The following MRTFA variants were observed in gnomAD, a reference collection of about 807,000 sequenced individuals.
MRTFA encodes the protein myocardin-related transcription factor A.
Under a neutral mutation model 83.5 loss-of-function variants are expected in MRTFA, and 20 were observed. The observed-to-expected ratio is 0.24, with a 90% CI of 0.17 to 0.35. The LOEUF is 0.35. Among genes scored for constraint, MRTFA ranks in the 10% least tolerant of loss-of-function variants. The pLI is 1.00. For missense variants in MRTFA, 1,200 were observed against 1,224.7 expected (o/e 0.98, Z 0.30); for synonymous variants, 659 against 541.2 (o/e 1.22, Z -3.02).
At chr22:40,608,671 T>C (rs552436373) in intron 1 of MRTFA, among the ~76,000 whole-genome samples, 17 of 152,330 alleles carry the variant, frequency 1.1e-4, no homozygotes, top group African/African-American at 3.4e-4. Context: ...TTTCCATTCA[T>C]TCATTCATTC....
rs113274756 is a variant in MRTFA, at chr22:40,411,344, T to A, written c.*46A>T. On this transcript the variant is annotated 3_prime_UTR_variant, in exon 15 of 15. Coordinates refer to ENST00000355630, the MANE Select transcript of MRTFA (RefSeq NM_020831.6). Reference sequence around the variant, plus strand: ...CACGCAGGAGAGCCACGCATTGGAGTACCCTGGCTCCCAGCCCCTTCCCCA... The same window carrying A: ...CACGCAGGAGAGCCACGCATTGGAGAACCCTGGCTCCCAGCCCCTTCCCCA... 3 of 1,512,590 alleles carry A rather than the reference T, an allele frequency of 2.0e-6. No homozygotes were observed. The South Asian group carries it at 3.8e-5, about 19-fold the overall frequency. 93.7% of individuals were successfully genotyped at this position (1,512,590 alleles called of 1,614,324 possible).
At chr22:40,530,587 G>A (rs932863798) in intron 3 of MRTFA, among the ~76,000 whole-genome samples, 4 of 152,212 alleles carry the variant, frequency 2.6e-5, no homozygotes, top group South Asian at 2.1e-4. Flanking sequence ...GTGCGCCACC[G>A]CGCCCGGCCC....
intron 2 of MRTFA, among the ~76,000 whole-genome samples, chr22:40,578,696 C>T (rs946576803): frequency 4.6e-5 from 7 of 152,002 alleles, no homozygotes; most frequent in African/African-American, 1.7e-4. Context: ...CTGAGGCAAA[C>T]GGATTGCTTG....
intron 2 of MRTFA, among the ~76,000 whole-genome samples, chr22:40,592,122 A>G (rs896792928): frequency 5.9e-5 from 9 of 152,152 alleles, no homozygotes; most frequent in African/African-American, 1.2e-4. Flanking sequence ...AATCAAATTT[A>G]TAATTGTTTT....
In MRTFA at chr22:40,411,309, G is replaced by A. The variant is rs899571527; in HGVS notation, c.*81C>T. Reference sequence around the variant, plus strand: ...TTGTCAAGACTCACAACCATGTGGAGAGGCCGAATCACGCAGGAGAGCCAC... The same window carrying A: ...TTGTCAAGACTCACAACCATGTGGAAAGGCCGAATCACGCAGGAGAGCCAC... On this transcript the variant is annotated 3_prime_UTR_variant, in exon 15 of 15. Coordinates refer to ENST00000355630, the MANE Select transcript of MRTFA (RefSeq NM_020831.6). 4 of 1,417,514 alleles carry A rather than the reference G, an allele frequency of 2.8e-6. No individual in the cohort carries two copies. Among genetic ancestry groups the A allele is most frequent in the Non-Finnish European group, 1.9e-6 (2 of 1,051,190 alleles). 87.8% of individuals were successfully genotyped at this position (1,417,514 alleles called of 1,614,324 possible). A position where few individuals can be genotyped will look rare whatever the true frequency, so the allele number is the denominator to read the frequency against.
At chr22:40,587,543 C>A in intron 2 of MRTFA, 1 of 285,002 alleles carries the variant, frequency 3.5e-6, no homozygotes, top group Non-Finnish European at 6.9e-6. Context: ...TCTCTGACCA[C>A]CAAAAAAAGT....
At chr22:40,457,439 A>ACAG in intron 4 of MRTFA, among the ~76,000 whole-genome samples, 2 of 97,754 alleles carry the variant, frequency 2.0e-5, no homozygotes, top group South Asian at 6.1e-4. Context: ...AAAGAAAGAG[A>ACAG]AAGAAAGAAA....
intron 2 of MRTFA, among the ~76,000 whole-genome samples, chr22:40,572,215 A>C (rs1275690258): frequency 1.3e-5 from 2 of 152,186 alleles, no homozygotes; most frequent in Non-Finnish European, 2.9e-5. Flanking sequence ...GGGAGATAGC[A>C]GGGTAAAAGT....
rs35140973 is a variant in MRTFA, at chr22:40,449,274, G to GAA, written c.308-13722_308-13721dup. On this transcript the variant is annotated intron_variant, in intron 4 of 14. Coordinates refer to ENST00000355630, the MANE Select transcript of MRTFA (RefSeq NM_020831.6). Reference sequence around the variant, plus strand: ...AGAACGAGACTCGGTCTCCAAACGAGAAAAAAAAAAAAAAAAAGAAAAGAA... The same window carrying GAA: ...AGAACGAGACTCGGTCTCCAAACGAGAAAAAAAAAAAAAAAAAAAGAAAAGAA... Among the ~76,000 whole-genome samples, 300 of 87,948 alleles carry GAA rather than the reference G, an allele frequency of 3.4e-3. 7 individuals are homozygous for GAA. The East Asian group carries it at 0.043, about 13-fold the overall frequency. The allele number at this position is 87,948 out of a possible 152,430, so 57.7% of individuals were successfully genotyped here.
chr22:40,592,312 G>C (rs185728684), intron 2 of MRTFA, among the ~76,000 whole-genome samples: 53 of 151,032 alleles, frequency 3.5e-4, no homozygotes, highest in African/African-American at 1.2e-3. Flanking sequence ...GCCAGGCGTG[G>C]TGGCACACAC....
chr22:40,482,530 T>C (rs2054108443), intron 3 of MRTFA, among the ~76,000 whole-genome samples: 2 of 152,188 alleles, frequency 1.3e-5, no homozygotes. Context: ...GGGCATAGCA[T>C]GCACTTGCAC....
chr22:40,599,634 C>T (rs1293439514), intron 1 of MRTFA, among the ~76,000 whole-genome samples: 1 of 152,156 alleles, frequency 6.6e-6, no homozygotes, highest in African/African-American at 2.4e-5. Flanking sequence ...CAGTGGCTCA[C>T]ACCTGTAATT....
intron 1 of MRTFA, among the ~76,000 whole-genome samples, chr22:40,623,341 C>T (rs1438312909): frequency 1.3e-5 from 2 of 151,466 alleles, no homozygotes; most frequent in Non-Finnish European, 2.9e-5. Flanking sequence ...TATTATTATA[C>T]TTAAGTTTTA....
Position 40,418,716 on chromosome 22 carries a change from G to T in MRTFA, c.2022C>A (p.Pro674=). 6.8e-7 allele frequency: 1 copy of T among 1,476,806 alleles called. No individual in the cohort carries two copies. Among genetic ancestry groups the T allele is most frequent in the Non-Finnish European group, 8.9e-7 (1 of 1,119,626 alleles). The allele number at this position is 1,476,806 out of a possible 1,614,324, so 91.5% of individuals were successfully genotyped here. ...TGGAGAAGCTGTTCTCCTGCTTCACGGGGGTGCCGAGGGGGGCGGGGGCGG... is the reference window on the plus strand; with the variant it reads ...TGGAGAAGCTGTTCTCCTGCTTCACTGGGGTGCCGAGGGGGGCGGGGGCGG... The change falls in exon 12 of 15, where the codon CCC becomes CCA. Residue 674 remains proline, a synonymous_variant. Coordinates refer to ENST00000355630, the MANE Select transcript of MRTFA (RefSeq NM_020831.6).
chr22:40,451,446 C>T (rs931693097), intron 4 of MRTFA, among the ~76,000 whole-genome samples: 4 of 152,272 alleles, frequency 2.6e-5, no homozygotes, highest in Middle Eastern at 3.4e-3. Flanking sequence ...CTTGCCACCA[C>T]CCGTTTTGGC....
At chr22:40,446,929 A>G (rs889855130) in intron 4 of MRTFA, among the ~76,000 whole-genome samples, 3 of 152,238 alleles carry the variant, frequency 2.0e-5, no homozygotes, top group African/African-American at 7.2e-5. Flanking sequence ...TAATTGAAGA[A>G]AGATATACAT....
intron 1 of MRTFA, among the ~76,000 whole-genome samples, chr22:40,603,496 T>C (rs1186218121): frequency 6.6e-6 from 1 of 152,138 alleles, no homozygotes; most frequent in Non-Finnish European, 1.5e-5. Context: ...GCAATTACAA[T>C]AGAGTATATG....
At chr22:40,475,090 T>A (rs2053971150) in intron 3 of MRTFA, among the ~76,000 whole-genome samples, 1 of 149,800 alleles carries the variant, frequency 6.7e-6, no homozygotes, top group Non-Finnish European at 1.5e-5. Context: ...CCGCCTGCCT[T>A]GGCCTCCCAA....
chr22:40,592,582 A>T (rs1273017967), intron 2 of MRTFA, among the ~76,000 whole-genome samples: 1 of 150,236 alleles, frequency 6.7e-6, no homozygotes, highest in Non-Finnish European at 1.5e-5. Flanking sequence ...TCTACCTCCC[A>T]GGCTCAAGCA....
Sources: gnomAD v4.1 joint callset for allele counts (sites outside exome capture counted in the v4.1 genomes callset) on GRCh38, gnomAD v4.1.1 for gene constraint, MANE v1.5 for transcripts, NCBI Gene and HGNC (gene_info 2026-07-23, HGNC 2026-07-21) for gene names.